STK32B: variants seen among roughly 807,000 people sequenced by gnomAD.
STK32B encodes serine/threonine-protein kinase 32B.
Under a neutral mutation model 52.6 loss-of-function variants are expected in STK32B, and 43 were observed. The observed-to-expected ratio is 0.82, with a 90% confidence interval of 0.64 to 1.05. The LOEUF (loss-of-function observed/expected upper bound fraction) is 1.05. Among genes scored for constraint, STK32B ranks in the 50% least tolerant of loss-of-function variants. The probability of loss-of-function intolerance (pLI) is 0.00; values close to 1 mark genes in which losing one functional copy is unlikely to be tolerated. For missense variants in STK32B, 621 were observed against 534.6 expected (o/e 1.16, Z -1.59); for synonymous variants, 238 against 204.3 (o/e 1.17, Z -1.41).
intron 3 of STK32B, chr4:5,204,063 T>G (rs1722366986): frequency 6.6e-6 from 1 of 152,304 alleles, no homozygotes; most frequent in Non-Finnish European, 1.5e-5. Flanking sequence ...ACACTGTAGC[T>G]TCTTTTCCCT....
chr4:5,245,779 AT>A (rs1725404056), intron 3 of STK32B, among the ~76,000 whole-genome samples: 1 of 152,140 alleles, frequency 6.6e-6, no homozygotes, highest in Non-Finnish European at 1.5e-5. Context: ...TGGTGACACA[AT>A]CTCTCAGCAT....
intron 1 of STK32B, among the ~76,000 whole-genome samples, chr4:5,104,811 G>A (rs572454608): frequency 2.0e-5 from 3 of 152,152 alleles, no homozygotes; most frequent in Non-Finnish European, 2.9e-5. Context: ...TTTTTTCAAC[G>A]TGTTTGTAAT....
chr4:5,394,538 G>T lies in STK32B; in HGVS notation c.435-3669G>T, dbSNP rs1736764604. Among the ~76,000 whole-genome samples the T allele has an allele frequency of 6.6e-6, 1 of 152,202 alleles. No homozygotes were observed. The highest frequency in any genetic ancestry group is 1.5e-5 in the Non-Finnish European group (1 of 68,032). On this transcript the variant is annotated intron_variant, in intron 4 of 11. Coordinates refer to ENST00000282908, the MANE Select transcript of STK32B (RefSeq NM_018401.3). This position sits in a 1 kb window ranked among gnomAD's most constrained non-coding sequence, Gnocchi z 4.2. ...TTCTCCATCTCCTCCACGCTGCTTT[G>T]CAGGCATCTGCCCAGCAGTCTCCTG...
chr4:5,273,878 T>C (rs2108860684), intron 3 of STK32B, among the ~76,000 whole-genome samples: 1 of 147,310 alleles, frequency 6.8e-6, no homozygotes, highest in Non-Finnish European at 1.5e-5. Context: ...CATTGGAAGA[T>C]ATACCTAATG....
At position 5,064,413 on chromosome 4, in the gene STK32B, TATAA is replaced by T. The variant is rs910642661; in HGVS notation, c.52+12502_52+12505del. On this transcript the variant is annotated intron_variant, in intron 1 of 11. Transcript: ENST00000282908. ...AATATATACTTATATACATATAATA[TATAA>T]ATATATACTTATATACATATAATAT... 4.8e-3 allele frequency among the ~76,000 whole-genome samples: 573 copies of T among 120,530 alleles called. 19 individuals carry two copies. Among genetic ancestry groups the T allele is most frequent in the African/African-American group, 0.016 (541 of 33,060 alleles). The allele number at this position is 120,530 out of a possible 152,430, so 79.1% of individuals were successfully genotyped here.
At chr4:5,317,043 ATATATATAATATATATGATATAATATATT>A (rs1730992639) in intron 3 of STK32B, among the ~76,000 whole-genome samples, 1 of 29,030 alleles carries the variant, frequency 3.4e-5, no homozygotes, top group South Asian at 1.1e-3. Context: ...ATAATATATT[ATATATATAATATATATGATATAATATATT>A]ATATATTATA....
intron 11 of STK32B, among the ~76,000 whole-genome samples, chr4:5,488,224 G>C (rs993906695): frequency 6.6e-6 from 1 of 152,118 alleles, no homozygotes; most frequent in Non-Finnish European, 1.5e-5. Flanking sequence ...CTTGAACCCG[G>C]GAGGCAGAGG....
At chr4:5,100,519 CT>C (rs200416878) in intron 1 of STK32B, among the ~76,000 whole-genome samples, 3 of 49,336 alleles carry the variant, frequency 6.1e-5, no homozygotes, top group Non-Finnish European at 2.1e-4. Context: ...TTCTCTCCTT[CT>C]TCTCTCTTTC....
chr4:5,176,938 C>G (rs1210468033), intron 3 of STK32B, among the ~76,000 whole-genome samples: 2 of 152,170 alleles, frequency 1.3e-5, no homozygotes, highest in Admixed American at 1.3e-4. Flanking sequence ...GGAGTCACCC[C>G]TCAGACTCTC....
At position 5,389,259 on chromosome 4, in the gene STK32B, A is replaced by G. The variant is rs763191264; in HGVS notation, c.435-8948A>G. On this transcript the variant is annotated intron_variant, in intron 4 of 11. Transcript: ENST00000282908. ...TCCTCTCACCTTGGTTTCATTGTCC[A>G]GTAAAATAAGGGTAACAATACTGCC... 3.9e-5 allele frequency among the ~76,000 whole-genome samples: 6 copies of G among 152,298 alleles called. No homozygotes were observed. The East Asian group carries it at 1.2e-3, about 29-fold the overall frequency.
intron 2 of STK32B, among the ~76,000 whole-genome samples, chr4:5,161,203 T>G (rs1009090729): frequency 3.9e-5 from 6 of 152,218 alleles, no homozygotes; most frequent in African/African-American, 1.4e-4. Flanking sequence ...GTAAGTATTT[T>G]TCTTGAGACC....
chr4:5,154,353 T>TTAGAGGC (rs1717618978), intron 2 of STK32B, among the ~76,000 whole-genome samples: 1 of 152,110 alleles, frequency 6.6e-6, no homozygotes, highest in Admixed American at 6.6e-5. Flanking sequence ...GTAGCTGAGA[T>TTAGAGGC]TAGAGGCATG....
intron 11 of STK32B, among the ~76,000 whole-genome samples, chr4:5,478,538 T>G (rs1718412180): frequency 6.6e-6 from 1 of 152,176 alleles, no homozygotes; most frequent in Non-Finnish European, 1.5e-5. Context: ...TCCCAATAAC[T>G]GTTGAGGTTT....
At chr4:5,215,187 G>C (rs1056053383) in intron 3 of STK32B, among the ~76,000 whole-genome samples, 5 of 152,148 alleles carry the variant, frequency 3.3e-5, no homozygotes, top group African/African-American at 9.7e-5. Context: ...AGTGGGCCCA[G>C]AGCTCTGAGA....
At chr4:5,046,223 C>T in the STK32B span, among the ~76,000 whole-genome samples, 1 of 152,144 alleles carries the variant, frequency 6.6e-6, no homozygotes, top group Non-Finnish European at 1.5e-5. Flanking sequence ...ACATCTACAA[C>T]CACCTAATTT....
chr4:5,138,685 A>T (rs1432400539), intron 1 of STK32B, among the ~76,000 whole-genome samples: 5 of 152,218 alleles, frequency 3.3e-5, no homozygotes, highest in African/African-American at 4.8e-5. Context: ...AAATATACAA[A>T]GGTAAAATTA....
At chr4:5,447,022 A>T (rs1715518003) in intron 7 of STK32B, 1 of 400,056 alleles carries the variant, frequency 2.5e-6, no homozygotes, top group Non-Finnish European at 4.6e-6. Context: ...AAAGGCCCAC[A>T]GCGGATCAGT....
chr4:5,245,604 A>G (rs965868132), intron 3 of STK32B, among the ~76,000 whole-genome samples: 4 of 152,146 alleles, frequency 2.6e-5, no homozygotes, highest in African/African-American at 9.6e-5. Context: ...TGTGAATTTG[A>G]TCCTGTCATT....
chr4:5,247,923 T>C (rs1158144458), intron 3 of STK32B, among the ~76,000 whole-genome samples: 1 of 152,204 alleles, frequency 6.6e-6, no homozygotes, highest in Non-Finnish European at 1.5e-5. Flanking sequence ...GGGCCTTGGC[T>C]CATCTCCTTG....
Sources: allele counts gnomAD v4.1 joint callset (sites outside exome capture counted in the v4.1 genomes callset), GRCh38; gene constraint gnomAD v4.1.1; non-coding constraint Gnocchi (gnomAD v3.1); transcripts MANE v1.5; gene names NCBI Gene and HGNC (gene_info 2026-07-23, HGNC 2026-07-21).